Variants in CATSPERT observed in about 807,000 individuals in gnomAD.
The protein encoded by CATSPERT is catsper channel auxiliary subunit tau.
chr2:201,607,279 C>G, the CATSPERT span, among the ~76,000 whole-genome samples: 3 of 152,214 alleles, frequency 2.0e-5, no homozygotes, highest in African/African-American at 4.8e-5. Context: ...CTTAACCTCT[C>G]TAACCCAGAG....
the CATSPERT span, among the ~76,000 whole-genome samples, chr2:201,495,575 T>C: frequency 1.3e-5 from 2 of 152,180 alleles, no homozygotes; most frequent in African/African-American, 4.8e-5. Flanking sequence ...AGTATTTGTC[T>C]TATTTTATTT....
chr2:201,615,060 T>C, the CATSPERT span, among the ~76,000 whole-genome samples: 69,562 of 151,960 alleles, frequency 0.46, 16,409 homozygotes, highest in South Asian at 0.56. Flanking sequence ...ATAAAGCAAG[T>C]CCTTAGAGAC....
chr2:201,593,045 G>C, the CATSPERT span, among the ~76,000 whole-genome samples: 1 of 151,648 alleles, frequency 6.6e-6, no homozygotes, highest in Non-Finnish European at 1.5e-5. Flanking sequence ...GTTTGCTCTT[G>C]CTTTTCTAGT....
chr2:201,492,915 C>A, the CATSPERT span: 8 of 1,536,580 alleles, frequency 5.2e-6, no homozygotes, highest in Non-Finnish European at 7.0e-6. Context: ...TTACTTCTGA[C>A]TCTGAGAGTT....
the CATSPERT span, among the ~76,000 whole-genome samples, chr2:201,513,767 G>A: frequency 6.6e-6 from 1 of 152,134 alleles, no homozygotes; most frequent in Non-Finnish European, 1.5e-5. Context: ...ATGAAATCAT[G>A]TCCTTTGCAG....
the CATSPERT span, among the ~76,000 whole-genome samples, chr2:201,500,470 C>T: frequency 5.3e-5 from 8 of 152,100 alleles, no homozygotes; most frequent in African/African-American, 1.9e-4. Flanking sequence ...GCCAAGATTG[C>T]ATCACTGCAC....
the CATSPERT span, among the ~76,000 whole-genome samples, chr2:201,509,530 AC>A: frequency 6.6e-6 from 1 of 150,582 alleles, no homozygotes; most frequent in African/African-American, 2.5e-5. Context: ...TGAAACTTAG[AC>A]CCCTCAAACC....
the CATSPERT span, among the ~76,000 whole-genome samples, chr2:201,531,672 A>G: frequency 6.6e-6 from 1 of 152,148 alleles, no homozygotes; most frequent in East Asian, 1.9e-4. Flanking sequence ...GAACCCTGAG[A>G]AGATCCGCAG....
At chr2:201,596,399 G>T in the CATSPERT span, among the ~76,000 whole-genome samples, 26 of 152,124 alleles carry the variant, frequency 1.7e-4, no homozygotes, top group African/African-American at 6.3e-4. Context: ...CACATAGAGG[G>T]GAACAATACA....
the CATSPERT span, among the ~76,000 whole-genome samples, chr2:201,538,199 C>G: frequency 1.3e-5 from 2 of 152,068 alleles, no homozygotes; most frequent in Non-Finnish European, 2.9e-5. Context: ...TCCCCCTAGC[C>G]TCAGGCAACC....
chr2:201,507,649 A>C, the CATSPERT span, among the ~76,000 whole-genome samples: 1 of 152,228 alleles, frequency 6.6e-6, no homozygotes, highest in South Asian at 2.1e-4. Flanking sequence ...CATGTACATA[A>C]GGAAATTAGC....
At chr2:201,514,168 C>A in the CATSPERT span, among the ~76,000 whole-genome samples, 1 of 152,174 alleles carries the variant, frequency 6.6e-6, no homozygotes, top group African/African-American at 2.4e-5. Context: ...TTCTAGAATA[C>A]TGAAGGGGGG....
the CATSPERT span, among the ~76,000 whole-genome samples, chr2:201,531,312 C>T: frequency 6.6e-6 from 1 of 151,804 alleles, no homozygotes; most frequent in Non-Finnish European, 1.5e-5. Flanking sequence ...CTACTGCCTA[C>T]CGTGGACTCA....
At chr2:201,567,344 T>C in the CATSPERT span, among the ~76,000 whole-genome samples, 4 of 152,182 alleles carry the variant, frequency 2.6e-5, no homozygotes, top group South Asian at 8.3e-4. Context: ...TTCCATTATA[T>C]TAGTCAGGGT....
chr2:201,508,339 A>C, the CATSPERT span, among the ~76,000 whole-genome samples: 1 of 152,234 alleles, frequency 6.6e-6, no homozygotes, highest in Non-Finnish European at 1.5e-5. Flanking sequence ...AATGCAGTTA[A>C]TTATTTAAAT....
At chr2:201,575,089 AAGG>A in the CATSPERT span, among the ~76,000 whole-genome samples, 4 of 150,758 alleles carry the variant, frequency 2.7e-5, no homozygotes, top group African/African-American at 9.7e-5. Context: ...GGAGGAGGAG[AAGG>A]AGGAGATTTT....
the CATSPERT span, chr2:201,534,768 T>C: frequency 1.1e-6 from 1 of 897,346 alleles, no homozygotes; most frequent in Admixed American, 1.3e-4. Flanking sequence ...CAGATCTAAA[T>C]AAATAAGCAA....
the CATSPERT span, among the ~76,000 whole-genome samples, chr2:201,614,126 A>G: frequency 6.6e-6 from 1 of 152,232 alleles, no homozygotes; most frequent in African/African-American, 2.4e-5. Context: ...TCAAGTTGGA[A>G]AACACTCTTC....
the CATSPERT span, chr2:201,492,297 G>A: frequency 6.5e-7 from 1 of 1,535,824 alleles, no homozygotes; most frequent in African/African-American, 1.4e-5. Context: ...TTATATGCTG[G>A]TTGATCCCTT....
Sources: gnomAD v4.1 joint callset for allele counts (sites outside exome capture counted in the v4.1 genomes callset) on GRCh38, gnomAD v4.1.1 for gene constraint, MANE v1.5 for transcripts, NCBI Gene and HGNC (gene_info 2026-07-23, HGNC 2026-07-21) for gene names.